Variants in TMPRSS11A observed in about 807,000 individuals in gnomAD.
TMPRSS11A encodes transmembrane serine protease 11A.
In TMPRSS11A, 53 loss-of-function variants were observed where a neutral mutation model predicts 58.9. The observed-to-expected ratio is 0.90, with a 90% CI of 0.72 to 1.13. The LOEUF is 1.13. Ranked by LOEUF, TMPRSS11A falls within the 50% of genes most tolerant of loss-of-function variation. TMPRSS11A has a pLI of 0.00. For synonymous variants in TMPRSS11A, 167 were observed against 169.8 expected, an observed-to-expected ratio of 0.98 and a Z score of 0.13; for missense variants, 493 against 499.3, an observed-to-expected ratio of 0.99 and a Z score of 0.12.
intron 5 of TMPRSS11A, among the ~76,000 whole-genome samples, chr4:67,929,102 AT>A (rs1720546251): frequency 6.6e-6 from 1 of 152,188 alleles, no homozygotes. Flanking sequence ...GAAATTAGAG[AT>A]TTAAATTTGA....
chr4:67,918,479 A>G lies in TMPRSS11A; in HGVS notation c.952+494T>C, dbSNP rs1577852125. On this transcript the variant is annotated intron_variant, in intron 8 of 9. Transcript: ENST00000508048. ...AAAGAATATTTGAGTTAGCCACTCA[A>G]TCTGAGTCCTCCTAGACACAGCTGG... 2.6e-5 allele frequency among the ~76,000 whole-genome samples: 4 copies of G among 152,340 alleles called. 1 individual carries two copies. Among genetic ancestry groups the G allele is most frequent in the South Asian group, 2.1e-4 (1 of 4,826 alleles).
rs2109727390 is a variant in TMPRSS11A at position 67,909,916 on chromosome 4, T to G, written c.*1426A>C. ...TTTTATGAGTGAACTGCATATCTCT[T>G]TTAGATATTTTAGGATTATTTTCAT... On this transcript the variant is annotated 3_prime_UTR_variant, in exon 10 of 10. Coordinates refer to ENST00000508048, the MANE Select transcript of TMPRSS11A (RefSeq NM_001114387.2). The G allele has an allele frequency of 6.6e-6, 1 of 152,170 alleles. No individual in the cohort carries two copies. Among genetic ancestry groups the G allele is most frequent in the East Asian group, 1.9e-4 (1 of 5,186 alleles). The allele number at this position is 152,170 out of a possible 1,614,324, so 9.4% of individuals were successfully genotyped here.
In TMPRSS11A at chr4:67,910,730, A is replaced by AT; in HGVS notation, c.*611_*612insA. On this transcript the variant is annotated 3_prime_UTR_variant, in exon 10 of 10. Coordinates refer to ENST00000508048, the MANE Select transcript of TMPRSS11A (RefSeq NM_001114387.2). The stretch of plus-strand genomic sequence containing the variant: ...ATGTGTGTGTGTGTGTAGAAAAGTC[A>AT]CCAAAAATTAGAGGTTTTATAACTA... The AT allele has an allele frequency of 1.5e-5, 1 of 68,528 alleles. No homozygotes were observed. Among genetic ancestry groups the AT allele is most frequent in the Non-Finnish European group, 2.8e-5 (1 of 35,872 alleles). The allele number at this position is 68,528 out of a possible 1,614,324, so 4.2% of individuals were successfully genotyped here.
intron 6 of TMPRSS11A, 21 bp from the exon 7 acceptor site, chr4:67,922,947 T>C (rs1401905869): frequency 6.2e-7 from 1 of 1,611,596 alleles, no homozygotes; most frequent in Non-Finnish European, 8.5e-7. Flanking sequence ...ATGAGATCAT[T>C]AAGTTATAAG....
At chr4:67,930,076 A>G in intron 4 of TMPRSS11A, 36 bp from the exon 5 acceptor site, 3 of 1,581,422 alleles carry the variant, frequency 1.9e-6, no homozygotes, top group Non-Finnish European at 2.6e-6. Context: ...TTTTCAAAGA[A>G]TACACCTGGA....
rs913732469 is a variant in TMPRSS11A at position 67,961,665 on chromosome 4, A to G, written c.11+1718T>C. ...AGCTGGGCCTACAGGTGCATGCGCC[A>G]CCATGCCCGGCTAATTGTTGTATTT... On this transcript the variant is annotated intron_variant, in intron 1 of 9. Coordinates refer to ENST00000508048, the MANE Select transcript of TMPRSS11A (RefSeq NM_001114387.2). Among the ~76,000 whole-genome samples the G allele has an allele frequency of 4.6e-5, 7 of 151,750 alleles. No individual in the cohort carries two copies. In the South Asian group the frequency reaches 1.5e-3, roughly 32 times the overall value.
intron 3 of TMPRSS11A, among the ~76,000 whole-genome samples, chr4:67,937,283 T>C (rs1313358337): frequency 6.6e-6 from 1 of 152,182 alleles, no homozygotes; most frequent in Non-Finnish European, 1.5e-5. Context: ...CATGTCAATA[T>C]ATCCATCAGC....
chr4:67,937,084 T>C (rs1038162226), intron 3 of TMPRSS11A, among the ~76,000 whole-genome samples: 1 of 152,224 alleles, frequency 6.6e-6, no homozygotes, highest in Non-Finnish European at 1.5e-5. Flanking sequence ...CCTAACATCA[T>C]GCTGTATTTG....
At chr4:67,912,367 G>T (rs1247118385) in intron 9 of TMPRSS11A, among the ~76,000 whole-genome samples, 1 of 151,890 alleles carries the variant, frequency 6.6e-6, no homozygotes, top group Non-Finnish European at 1.5e-5. Flanking sequence ...ATTCGAGCTG[G>T]TTACTTTAAG....
rs1262936006 is a variant in TMPRSS11A at position 67,963,352 on chromosome 4, C to A, written c.11+31G>T. ...GGCCACTGACAGACAGTACATCAAA[C>A]AAGCCATCTATAAAACAGAACTGAA... On this transcript the variant is annotated intron_variant, in intron 1 of 9. Transcript: ENST00000508048. 2.5e-6 allele frequency: 4 copies of A among 1,613,002 alleles called. No homozygotes were observed. In the South Asian group the frequency reaches 3.3e-5, roughly 13 times the overall value.
chr4:67,953,314 G>A (rs1721207673), intron 1 of TMPRSS11A, among the ~76,000 whole-genome samples: 1 of 152,006 alleles, frequency 6.6e-6, no homozygotes, highest in African/African-American at 2.4e-5. Context: ...GCCTTTAATG[G>A]TTTCAAATGA....
At chr4:67,961,066 T>C (rs888279357) in intron 1 of TMPRSS11A, among the ~76,000 whole-genome samples, 3 of 152,016 alleles carry the variant, frequency 2.0e-5, no homozygotes, top group African/African-American at 7.3e-5. Flanking sequence ...TTCAAACAGA[T>C]TCACACCAAA....
At position 67,914,670 on chromosome 4, in the gene TMPRSS11A, T is replaced by C. The variant is rs1287608895; in HGVS notation, c.1013A>G (p.Lys338Arg). ...RVKIISDDVC[K>R]QPQVYGNDIK... is the part of the protein sequence containing the mutation. ...ATCATTGCCATACACCTGTGGTTGCTTGCAGACATCATCACTTATGATTTT... is the reference window on the plus strand; with the variant it reads ...ATCATTGCCATACACCTGTGGTTGCCTGCAGACATCATCACTTATGATTTT... Residue 338 changes from lysine to arginine, a missense_variant, in exon 9 of 10, where the codon AAG becomes AGG. Lys to Arg is a conservative substitution (Grantham distance 26, BLOSUM62 2). Transcript: ENST00000508048. 6.2e-7 allele frequency: 1 copy of C among 1,613,548 alleles called. No individual in the cohort carries two copies. Among genetic ancestry groups the C allele is most frequent in the Admixed American group, 1.7e-5 (1 of 59,996 alleles).
chr4:67,959,902 A>G (rs1180517283), intron 1 of TMPRSS11A, among the ~76,000 whole-genome samples: 1 of 152,230 alleles, frequency 6.6e-6, no homozygotes, highest in Non-Finnish European at 1.5e-5. Context: ...CAATAGCAAG[A>G]CATGTAATCA....
chr4:67,919,387 T>G (rs1252254432), intron 7 of TMPRSS11A, among the ~76,000 whole-genome samples, 155 bp from the exon 8 acceptor site: 1 of 152,242 alleles, frequency 6.6e-6, no homozygotes, highest in Non-Finnish European at 1.5e-5. Context: ...AATCTATTGC[T>G]AATGTTTTGA....
Position 67,930,808 on chromosome 4 carries a change from CTT to C in TMPRSS11A, c.321-770_321-769del, listed in dbSNP as rs67302217. Reference sequence around the variant, plus strand: ...AATATATATTGATCTGTTATCTCTCCTTTTTTTTTTTTTTTTTTTTTACAAAA... The same window carrying C: ...AATATATATTGATCTGTTATCTCTCCTTTTTTTTTTTTTTTTTTTACAAAA... On this transcript the variant is annotated intron_variant, in intron 4 of 9. Transcript: ENST00000508048. Among the ~76,000 whole-genome samples, 19 of 51,158 alleles carry C rather than the reference CTT, an allele frequency of 3.7e-4. 1 individual carries two copies. The highest frequency in any genetic ancestry group is 2.5e-3 in the East Asian group (3 of 1,206). The allele number at this position is 51,158 out of a possible 152,430, so 33.6% of individuals were successfully genotyped here.
chr4:67,923,485 T>C lies in TMPRSS11A; in HGVS notation c.521-559A>G, dbSNP rs998764713. 2.3e-4 allele frequency among the ~76,000 whole-genome samples: 35 copies of C among 152,180 alleles called. 1 individual carries two copies. Among genetic ancestry groups the C allele is most frequent in the African/African-American group, 8.2e-4 (34 of 41,450 alleles). Reference sequence around the variant, plus strand: ...GATTTAATGAAGCCACTGTTAGCGATTAAGATGAATCTATTAAGCATATTT... The same window carrying C: ...GATTTAATGAAGCCACTGTTAGCGACTAAGATGAATCTATTAAGCATATTT... On this transcript the variant is annotated intron_variant, in intron 6 of 9. Transcript: ENST00000508048.
Position 67,963,313 on chromosome 4 carries a change from C to T in TMPRSS11A, c.11+70G>A, listed in dbSNP as rs374715232. Reference sequence around the variant, plus strand: ...AGACACCTCACTAGCAGTCCTCTTACACATCAGGAATCCGGCCACTGACAG... The same window carrying T: ...AGACACCTCACTAGCAGTCCTCTTATACATCAGGAATCCGGCCACTGACAG... On this transcript the variant is annotated intron_variant, in intron 1 of 9. Coordinates refer to ENST00000508048, the MANE Select transcript of TMPRSS11A (RefSeq NM_001114387.2). The T allele has an allele frequency of 6.5e-6, 10 of 1,549,888 alleles. No homozygotes were observed. In the East Asian group the frequency reaches 2.0e-4, roughly 31 times the overall value.
At chr4:67,959,942 G>C (rs1286658435) in intron 1 of TMPRSS11A, among the ~76,000 whole-genome samples, 1 of 152,126 alleles carries the variant, frequency 6.6e-6, no homozygotes, top group South Asian at 2.1e-4. Context: ...GTGGATTTCA[G>C]TTTTTTAAAA....
Sources: allele counts gnomAD v4.1 joint callset (sites outside exome capture counted in the v4.1 genomes callset), GRCh38; gene constraint gnomAD v4.1.1; transcripts MANE v1.5; gene names NCBI Gene and HGNC (gene_info 2026-07-23, HGNC 2026-07-21).